Variants in ARHGAP15 observed in about 807,000 individuals in gnomAD.
ARHGAP15 encodes Rho GTPase activating protein 15.
A neutral mutation model predicts 63.7 loss-of-function variants in ARHGAP15; 51 were observed. The observed-to-expected ratio is 0.80, with a 90% CI of 0.64 to 1.01. ARHGAP15 has a LOEUF of 1.01. Ranked by LOEUF, ARHGAP15 falls within the 50% of genes least tolerant of loss-of-function variation. ARHGAP15 has a pLI of 0.00. For missense variants in ARHGAP15, 560 were observed against 564.6 expected, an observed-to-expected ratio of 0.99 and a Z score of 0.08; for synonymous variants, 191 against 193.8, an observed-to-expected ratio of 0.99 and a Z score of 0.12.
chr2:143,583,815 C>A (rs1697002833), intron 11 of ARHGAP15, among the ~76,000 whole-genome samples: 1 of 152,090 alleles, frequency 6.6e-6, no homozygotes, highest in South Asian at 2.1e-4. Context: ...GAACCAATTA[C>A]CAAAGAATAC....
At chr2:143,500,615 A>C (rs2104932263) in intron 9 of ARHGAP15, among the ~76,000 whole-genome samples, 1 of 152,304 alleles carries the variant, frequency 6.6e-6, no homozygotes, top group South Asian at 2.1e-4. Context: ...GTTTACAAGA[A>C]AATGTGTTAT....
At chr2:143,228,704 T>A in intron 5 of ARHGAP15, 36 bp downstream of exon 5, 1 of 1,417,186 alleles carries the variant, frequency 7.1e-7, no homozygotes, top group Non-Finnish European at 9.5e-7. Flanking sequence ...TAAATATCTT[T>A]TCAGAAATAT....
chr2:143,189,752 G>A (rs867537357), intron 2 of ARHGAP15, among the ~76,000 whole-genome samples: 11 of 151,936 alleles, frequency 7.2e-5, no homozygotes, highest in African/African-American at 1.9e-4. Flanking sequence ...GTGAGCCACC[G>A]CACCCGGACT....
chr2:143,710,549 G>T (rs1169409201), intron 13 of ARHGAP15, among the ~76,000 whole-genome samples: 1 of 152,154 alleles, frequency 6.6e-6, no homozygotes, highest in African/African-American at 2.4e-5. Flanking sequence ...AGACGGGAGT[G>T]AAATTATTAC....
chr2:143,333,597 T>G (rs889648787), intron 6 of ARHGAP15, among the ~76,000 whole-genome samples: 5 of 152,198 alleles, frequency 3.3e-5, no homozygotes, highest in African/African-American at 1.2e-4. Flanking sequence ...GTAAATATAC[T>G]GTAGCTCAAA....
intron 12 of ARHGAP15, among the ~76,000 whole-genome samples, chr2:143,667,742 C>A (rs1054679985): frequency 6.6e-6 from 1 of 151,772 alleles, no homozygotes; most frequent in Non-Finnish European, 1.5e-5. Flanking sequence ...ACCTGTAATC[C>A]CAGCACTTCA....
intron 3 of ARHGAP15, among the ~76,000 whole-genome samples, chr2:143,207,545 T>C (rs755732671): frequency 1.5e-4 from 23 of 151,262 alleles, no homozygotes; most frequent in Admixed American, 3.3e-4. Flanking sequence ...TTCTAAAAAC[T>C]TTTGGAACTA....
At chr2:143,151,756 A>C (rs1416785612) in intron 1 of ARHGAP15, among the ~76,000 whole-genome samples, 1 of 151,928 alleles carries the variant, frequency 6.6e-6, no homozygotes. Context: ...GGGGAGTTGA[A>C]AGGGAATAAA....
intron 13 of ARHGAP15, among the ~76,000 whole-genome samples, chr2:143,744,171 T>G (rs909340986): frequency 2.6e-5 from 4 of 152,222 alleles, no homozygotes; most frequent in African/African-American, 4.8e-5. Flanking sequence ...GGGTGGGGCT[T>G]AGGTCCTGAG....
At position 143,155,656 on chromosome 2, in the gene ARHGAP15, G is replaced by A; in HGVS notation, c.165+1G>A. Reference sequence around the variant, plus strand: ...CGATGTCGGGAAGGTCACTGAACCTGTAAGTCAAATACCCCAAATATCCCA... The same window carrying A: ...CGATGTCGGGAAGGTCACTGAACCTATAAGTCAAATACCCCAAATATCCCA... On this transcript the variant is annotated splice_donor_variant, in intron 2 of 13. Transcript: ENST00000295095. LOFTEE classifies it high-confidence loss of function. The A allele has an allele frequency of 6.4e-7, 1 of 1,551,778 alleles. No individual in the cohort carries two copies. Among genetic ancestry groups the A allele is most frequent in the East Asian group, 2.4e-5 (1 of 42,392 alleles).
At chr2:143,346,232 T>TCTCTCACACACA (rs1295461401) in intron 6 of ARHGAP15, among the ~76,000 whole-genome samples, 6 of 47,620 alleles carry the variant, frequency 1.3e-4, no homozygotes, top group African/African-American at 2.3e-4. Context: ...ACACACACTC[T>TCTCTCACACACA]CTCTCACACA....
rs115504860 is a variant in ARHGAP15 at position 143,290,491 on chromosome 2, C to T, written c.474+39891C>T. On this transcript the variant is annotated intron_variant, in intron 6 of 13. Transcript: ENST00000295095. ...CATTGATGCATGCCAGAATGTGGAG[C>T]AATATTGCCAAATCTTCTGGTCTTC... Among the ~76,000 whole-genome samples the T allele has an allele frequency of 3.8e-3, 581 of 151,856 alleles. 5 individuals are homozygous for T. The highest frequency in any genetic ancestry group is 0.013 in the African/African-American group (551 of 41,422).
chr2:143,441,333 G>A (rs1386247344), intron 8 of ARHGAP15, among the ~76,000 whole-genome samples: 2 of 152,248 alleles, frequency 1.3e-5, no homozygotes, highest in African/African-American at 4.8e-5. Flanking sequence ...GGGGCAGGTA[G>A]GGCATTCTTG....
intron 6 of ARHGAP15, among the ~76,000 whole-genome samples, chr2:143,389,124 TATTA>T (rs1394985086): frequency 2.7e-5 from 4 of 148,882 alleles, no homozygotes; most frequent in African/African-American, 7.3e-5. Context: ...TTATTATTAT[TATTA>T]TTATTATTTT....
intron 12 of ARHGAP15, among the ~76,000 whole-genome samples, chr2:143,657,141 T>A (rs1278859717): frequency 6.6e-6 from 1 of 152,084 alleles, no homozygotes; most frequent in Non-Finnish European, 1.5e-5. Flanking sequence ...GGTCAGGAGA[T>A]CGAGACCATC....
rs781230536 is a variant in ARHGAP15 at position 143,397,340 on chromosome 2, GTGTGTGTA to G, written c.475-38259_475-38252del. On this transcript the variant is annotated intron_variant, in intron 6 of 13. Transcript: ENST00000295095. ...TATGTGTGTGTGTGTGTGTGTGTGT[GTGTGTGTA>G]TATATATATCTCCAACCTTAGTTTC... Among the ~76,000 whole-genome samples the G allele has an allele frequency of 6.1e-4, 90 of 148,748 alleles. 1 individual carries two copies. The highest frequency in any genetic ancestry group is 3.4e-3 in the Middle Eastern group (1 of 292).
intron 1 of ARHGAP15, among the ~76,000 whole-genome samples, chr2:143,145,093 A>G (rs1337489161): frequency 6.6e-6 from 1 of 151,982 alleles, no homozygotes; most frequent in Non-Finnish European, 1.5e-5. Flanking sequence ...GAGAATTACT[A>G]CTTTATAGCT....
At chr2:143,692,024 A>C (rs1282565606) in intron 12 of ARHGAP15, among the ~76,000 whole-genome samples, 1 of 152,202 alleles carries the variant, frequency 6.6e-6, no homozygotes, top group Non-Finnish European at 1.5e-5. Context: ...ATCTGTTGTT[A>C]GGTGACAGAA....
In ARHGAP15 at chr2:143,721,061, CA is replaced by C. The variant is rs60500194; in HGVS notation, c.1244+17556del. On this transcript the variant is annotated intron_variant, in intron 13 of 13. Coordinates refer to ENST00000295095, the MANE Select transcript of ARHGAP15 (RefSeq NM_018460.4). ...TGGGCGACAGAGCAAGACTCCGTCT[CA>C]AAAAAAAAAAAAAAAAAATGCAGAT... 4.0e-3 allele frequency among the ~76,000 whole-genome samples: 311 copies of C among 78,408 alleles called. 3 individuals are homozygous for C. The highest frequency in any genetic ancestry group is 0.013 in the African/African-American group (277 of 21,998). The allele number at this position is 78,408 out of a possible 152,430, so 51.4% of individuals were successfully genotyped here.
Sources: gnomAD v4.1 joint callset for allele counts (sites outside exome capture counted in the v4.1 genomes callset) on GRCh38, gnomAD v4.1.1 for gene constraint, MANE v1.5 for transcripts, NCBI Gene and HGNC (gene_info 2026-07-23, HGNC 2026-07-21) for gene names.